The following TACR3 variants were observed in gnomAD, a reference collection of about 807,000 sequenced individuals.
TACR3 encodes neuromedin-K receptor.
In TACR3, 34 loss-of-function variants were observed where a neutral mutation model predicts 35.0. The ratio of observed to expected loss-of-function variants is 0.97; its 90% confidence interval spans 0.74 to 1.30. TACR3 has a LOEUF of 1.30. Ranked by LOEUF, TACR3 falls within the 50% of genes most tolerant of loss-of-function variation. The probability of loss-of-function intolerance (pLI) is 0.00; values close to 1 mark genes in which losing one functional copy is unlikely to be tolerated. For synonymous variants in TACR3, 233 were observed against 221.1 expected (o/e 1.05, Z -0.48); for missense variants, 558 against 591.7 (o/e 0.94, Z 0.59).
At chr4:103,716,114 C>T (rs1272964024) in intron 1 of TACR3, among the ~76,000 whole-genome samples, 1 of 151,972 alleles carries the variant, frequency 6.6e-6, no homozygotes, top group African/African-American at 2.4e-5. Context: ...AGCTTATCAT[C>T]TTTGAGGCAA....
intron 1 of TACR3, among the ~76,000 whole-genome samples, chr4:103,717,628 T>G (rs1723120277): frequency 6.6e-6 from 1 of 152,138 alleles, no homozygotes; most frequent in African/African-American, 2.4e-5. Flanking sequence ...TGTAAGAATT[T>G]TATAACATTA....
intron 3 of TACR3, among the ~76,000 whole-genome samples, chr4:103,620,507 T>C (rs1481158942): frequency 6.6e-6 from 1 of 152,196 alleles, no homozygotes; most frequent in Non-Finnish European, 1.5e-5. Flanking sequence ...CTGGTACCCA[T>C]TAATGATAGA....
intron 1 of TACR3, among the ~76,000 whole-genome samples, chr4:103,702,258 T>G (rs997530727): frequency 6.6e-6 from 1 of 152,112 alleles, no homozygotes; most frequent in African/African-American, 2.4e-5. Flanking sequence ...ACACACACTT[T>G]TCAAAAGAAG....
At chr4:103,653,882 C>T (rs1232372531) in intron 3 of TACR3, among the ~76,000 whole-genome samples, 19 of 152,204 alleles carry the variant, frequency 1.2e-4, no homozygotes, top group African/African-American at 4.1e-4. Context: ...AAAAAGTGGG[C>T]GAAGGATATG....
At chr4:103,658,735 G>T (rs1560825217) in intron 1 of TACR3, among the ~76,000 whole-genome samples, 1 of 152,148 alleles carries the variant, frequency 6.6e-6, no homozygotes, top group Non-Finnish European at 1.5e-5. Flanking sequence ...CAGCCTTTTG[G>T]CACCAAGGAT....
chr4:103,589,501 T>A lies in TACR3; in HGVS notation c.*181A>T. 1 of 628,178 alleles carries A rather than the reference T, an allele frequency of 1.6e-6. No individual in the cohort carries two copies. The highest frequency in any genetic ancestry group is 2.7e-6 in the Non-Finnish European group (1 of 368,422). 38.9% of individuals were successfully genotyped at this position (628,178 alleles called of 1,614,324 possible). ...AGCCCATTTTATTTTGGGTGGAGGC[T>A]AACATGTTATTAGTGTCTTTGTCAC... On this transcript the variant is annotated 3_prime_UTR_variant, in exon 5 of 5. Transcript: ENST00000304883.
At chr4:103,693,692 C>T (rs993473675) in intron 1 of TACR3, among the ~76,000 whole-genome samples, 1 of 151,960 alleles carries the variant, frequency 6.6e-6, no homozygotes, top group Non-Finnish European at 1.5e-5. Context: ...ATCATAAATA[C>T]TTAAAGGTTT....
chr4:103,589,755 C>G lies in TACR3; in HGVS notation c.1325G>C (p.Arg442Thr). 6.2e-7 allele frequency: 1 copy of G among 1,613,952 alleles called. No homozygotes were observed. Among genetic ancestry groups the G allele is most frequent in the South Asian group, 1.1e-5 (1 of 91,080 alleles). ...AGTGGCGGAGGCAGATTTGGAATTC[C>G]TGCGAGAGCAGCCATTGAAACTTGG... ...RDPSFNGCSR[R>T]NSKSASATSS... is the part of the protein sequence containing the mutation. The change falls in exon 5 of 5, where the codon AGG becomes ACG. Residue 442 changes from arginine to threonine, a missense_variant. By Grantham distance (71) the Arg-to-Thr change is moderately conservative (BLOSUM62 -1). Coordinates refer to ENST00000304883, the MANE Select transcript of TACR3 (RefSeq NM_001059.3).
chr4:103,628,690 T>G (rs1349889860), intron 3 of TACR3, among the ~76,000 whole-genome samples: 5 of 152,120 alleles, frequency 3.3e-5, no homozygotes, highest in African/African-American at 1.2e-4. Context: ...CAGGACCAGA[T>G]AGATTCACAG....
intron 1 of TACR3, among the ~76,000 whole-genome samples, chr4:103,666,443 A>G (rs532046333): frequency 4.6e-5 from 7 of 152,282 alleles, no homozygotes; most frequent in African/African-American, 1.7e-4. Context: ...GAATGAAGCT[A>G]GAGATTTAGG....
intron 1 of TACR3, among the ~76,000 whole-genome samples, chr4:103,689,511 A>G (rs1320527522): frequency 2.0e-5 from 3 of 151,760 alleles, no homozygotes; most frequent in Non-Finnish European, 2.9e-5. Context: ...TTACTTGGAA[A>G]TTCTGCAACT....
chr4:103,705,264 G>A (rs1410633004), intron 1 of TACR3, among the ~76,000 whole-genome samples: 2 of 152,016 alleles, frequency 1.3e-5, no homozygotes, highest in Non-Finnish European at 2.9e-5. Context: ...TGTAAAAATT[G>A]CAATTTCATA....
chr4:103,617,462 C>T (rs1380918932), intron 3 of TACR3, among the ~76,000 whole-genome samples: 1 of 152,042 alleles, frequency 6.6e-6, no homozygotes, highest in Non-Finnish European at 1.5e-5. Context: ...GACTATAGCT[C>T]TAGAATAAAA....
intron 1 of TACR3, among the ~76,000 whole-genome samples, chr4:103,708,300 G>T (rs1397604181): frequency 1.3e-5 from 2 of 150,392 alleles, no homozygotes; most frequent in Non-Finnish European, 3.0e-5. Flanking sequence ...ACTCTGAGAT[G>T]AAGCTTCCAG....
chr4:103,693,470 T>G (rs1722449174), intron 1 of TACR3, among the ~76,000 whole-genome samples: 1 of 152,178 alleles, frequency 6.6e-6, no homozygotes, highest in Non-Finnish European at 1.5e-5. Flanking sequence ...GAATGCTCAC[T>G]TCTCTGACTT....
At chr4:103,629,890 CAACAAA>C (rs1469472425) in intron 3 of TACR3, among the ~76,000 whole-genome samples, 93 of 103,916 alleles carry the variant, frequency 8.9e-4, no homozygotes, top group African/African-American at 3.2e-3. Context: ...ACAACAACAA[CAACAAA>C]AAAAAACAAA....
At chr4:103,634,096 A>G (rs996894067) in intron 3 of TACR3, among the ~76,000 whole-genome samples, 9 of 152,130 alleles carry the variant, frequency 5.9e-5, no homozygotes, top group African/African-American at 2.2e-4. Context: ...AGATGGCATT[A>G]ACCCTTTTAC....
chr4:103,606,326 A>G (rs1428054944), intron 3 of TACR3, among the ~76,000 whole-genome samples: 4 of 152,094 alleles, frequency 2.6e-5, no homozygotes, highest in African/African-American at 9.7e-5. Context: ...TTGGTTCCAT[A>G]TGAACTTTAA....
intron 1 of TACR3, among the ~76,000 whole-genome samples, chr4:103,691,216 C>T (rs1415504344): frequency 3.3e-5 from 5 of 152,138 alleles, no homozygotes; most frequent in African/African-American, 1.2e-4. Context: ...CCCAAATGTC[C>T]TTTGTAAACA....
Sources: gnomAD v4.1 joint callset for allele counts (sites outside exome capture counted in the v4.1 genomes callset) on GRCh38, gnomAD v4.1.1 for gene constraint, MANE v1.5 for transcripts, NCBI Gene and HGNC (gene_info 2026-07-23, HGNC 2026-07-21) for gene names.